The following NCOA7 variants were observed in gnomAD, a reference collection of about 807,000 sequenced individuals.
NCOA7 encodes the protein 140 kDa estrogen receptor-associated protein.
Under a neutral mutation model 104.3 loss-of-function variants are expected in NCOA7, and 45 were observed. That is an observed-to-expected ratio of 0.43 (90% CI 0.34 to 0.55). NCOA7 has a LOEUF of 0.55. Among genes scored for constraint, NCOA7 ranks in the 20% least tolerant of loss-of-function variants. The pLI, the probability that NCOA7 is intolerant of heterozygous loss-of-function variation, is 0.02. For synonymous variants in NCOA7, 398 were observed against 402.3 expected, an observed-to-expected ratio of 0.99 and a Z score of 0.13; for missense variants, 1,041 against 1,119.7, an observed-to-expected ratio of 0.93 and a Z score of 1.00.
intron 8 of NCOA7, among the ~76,000 whole-genome samples, chr6:125,886,911 C>T (rs932769331): frequency 6.6e-6 from 1 of 152,242 alleles, no homozygotes; most frequent in South Asian, 2.1e-4. Context: ...CGCGTGCACA[C>T]ACGTGCAGGA....
At chr6:125,821,931 A>G (rs1459659890) in intron 2 of NCOA7, among the ~76,000 whole-genome samples, 1 of 152,168 alleles carries the variant, frequency 6.6e-6, no homozygotes, top group African/African-American at 2.4e-5. Flanking sequence ...TGGGTGGTTG[A>G]TCTGCAGCAC....
At chr6:125,874,304 G>A (rs992225936) in intron 3 of NCOA7, among the ~76,000 whole-genome samples, 8 of 152,218 alleles carry the variant, frequency 5.3e-5, no homozygotes, top group African/African-American at 1.9e-4. Flanking sequence ...CAGCCTGGGT[G>A]ACAGAGTGAG....
rs112847937 is a variant in NCOA7, at chr6:125,835,097, T to C, written c.50+19693T>C. 4.0e-3 allele frequency among the ~76,000 whole-genome samples: 606 copies of C among 152,356 alleles called. 5 individuals are homozygous for C. The highest frequency in any genetic ancestry group is 0.014 in the African/African-American group (589 of 41,584). ...TAAAAGTTCTTTTCTTTTCTCAGGC[T>C]AAAAGAGGTAGAACACTTATTCCAG... On this transcript the variant is annotated intron_variant, in intron 2 of 15. Transcript: ENST00000392477.
intron 13 of NCOA7, among the ~76,000 whole-genome samples, chr6:125,923,114 C>A (rs1433139125): frequency 6.6e-6 from 1 of 152,092 alleles, no homozygotes; most frequent in East Asian, 1.9e-4. Flanking sequence ...TTTCTATCAC[C>A]ATGAAGTGGA....
intron 1 of NCOA7, among the ~76,000 whole-genome samples, chr6:125,785,863 A>G (rs1241770153): frequency 2.0e-5 from 3 of 152,222 alleles, no homozygotes; most frequent in Admixed American, 6.5e-5. Context: ...TATGCGGACA[A>G]CAATCCATGT....
chr6:125,900,113 A>G, intron 10 of NCOA7: 1 of 498,884 alleles, frequency 2.0e-6, no homozygotes, highest in South Asian at 1.5e-5. Context: ...AGGGTTAATT[A>G]TAGAGCTCCT....
chr6:125,857,934 G>A (rs1262470476), intron 3 of NCOA7, among the ~76,000 whole-genome samples: 2 of 151,568 alleles, frequency 1.3e-5, no homozygotes, highest in Non-Finnish European at 2.9e-5. Flanking sequence ...GCTGTAATAG[G>A]ATAACCTTTT....
intron 10 of NCOA7, among the ~76,000 whole-genome samples, chr6:125,892,058 T>G (rs1784659287): frequency 6.6e-6 from 1 of 152,306 alleles, no homozygotes; most frequent in East Asian, 1.9e-4. Flanking sequence ...CTGAATAATA[T>G]CTAAGAGATT....
chr6:125,885,368 G>GA (rs1267410551), intron 8 of NCOA7, 25 bp downstream of exon 8: 3 of 1,601,916 alleles, frequency 1.9e-6, no homozygotes, highest in Non-Finnish European at 2.6e-6. Context: ...TGTTTACCAG[G>GA]AAAAAAGGGG....
At chr6:125,919,504 T>G in intron 11 of NCOA7, 1 of 1,424,448 alleles carries the variant, frequency 7.0e-7, no homozygotes, top group East Asian at 2.3e-5. Flanking sequence ...GAGTTTCTTT[T>G]GAAAGTCGTT....
chr6:125,831,100 G>A (rs2128591965), intron 2 of NCOA7, among the ~76,000 whole-genome samples: 1 of 152,270 alleles, frequency 6.6e-6, no homozygotes, highest in South Asian at 2.1e-4. Flanking sequence ...AGTACTGTCA[G>A]TACATGAAAT....
chr6:125,855,010 T>C lies in NCOA7; in HGVS notation c.51-10T>C. 6.3e-7 allele frequency: 1 copy of C among 1,575,282 alleles called. No homozygotes were observed. On this transcript the variant is annotated splice_polypyrimidine_tract_variant and intron_variant, in intron 2 of 15. Transcript: ENST00000392477. ...TCCAATGTTTTTTCTTTTTTTTCCC[T>C]CTTTCCTAGACTGAAAAAGAAAAAA...
intron 1 of NCOA7, among the ~76,000 whole-genome samples, chr6:125,803,024 G>C (rs1268079): frequency 0.055 from 8,407 of 152,196 alleles, 756 homozygotes; most frequent in African/African-American, 0.19. Flanking sequence ...GCCTCTCTCT[G>C]TTGTTACCAA....
At chr6:125,831,757 A>G (rs928885782) in intron 2 of NCOA7, among the ~76,000 whole-genome samples, 1 of 152,140 alleles carries the variant, frequency 6.6e-6, no homozygotes, top group South Asian at 2.1e-4. Context: ...CAGCCTCTCA[A>G]CATCCCTATA....
chr6:125,928,085 CT>C (rs1444013022), intron 14 of NCOA7, 88 bp from the exon 15 acceptor site: 1 of 1,260,232 alleles, frequency 7.9e-7, no homozygotes, highest in Non-Finnish European at 1.1e-6. Flanking sequence ...AGGTGGTTCC[CT>C]TTTACATATA....
intron 1 of NCOA7, among the ~76,000 whole-genome samples, chr6:125,798,545 G>A (rs1051963043): frequency 1.3e-5 from 2 of 152,118 alleles, no homozygotes; most frequent in African/African-American, 4.8e-5. Flanking sequence ...TTAAGTGATA[G>A]TAAATGTATA....
At chr6:125,822,231 A>G (rs895444227) in intron 2 of NCOA7, among the ~76,000 whole-genome samples, 11 of 152,250 alleles carry the variant, frequency 7.2e-5, no homozygotes, top group African/African-American at 2.4e-4. Flanking sequence ...GTCATAGCAC[A>G]GTTTTAATTG....
rs1023988816 is a variant in NCOA7 at position 125,930,017 on chromosome 6, C to G, written c.*1246C>G. 2.0e-5 allele frequency: 3 copies of G among 152,036 alleles called. No homozygotes were observed. The highest frequency in any genetic ancestry group is 4.8e-5 in the African/African-American group (2 of 41,394). The allele number at this position is 152,036 out of a possible 1,614,324, so 9.4% of individuals were successfully genotyped here. Reference sequence around the variant, plus strand: ...TCAAAATTGGAATAGAAAGGAAAACCTATTTTTAAGATATCAACCTATTTT... The same window carrying G: ...TCAAAATTGGAATAGAAAGGAAAACGTATTTTTAAGATATCAACCTATTTT... On this transcript the variant is annotated 3_prime_UTR_variant, in exon 16 of 16. Transcript: ENST00000392477.
Position 125,929,221 on chromosome 6 carries a change from T to C in NCOA7, c.*450T>C, listed in dbSNP as rs1007712380. The C allele has an allele frequency of 2.0e-5, 3 of 151,834 alleles. No homozygotes were observed. Among genetic ancestry groups the C allele is most frequent in the African/African-American group, 7.3e-5 (3 of 40,986 alleles). The allele number at this position is 151,834 out of a possible 1,614,324, so 9.4% of individuals were successfully genotyped here. A position where few individuals can be genotyped will look rare whatever the true frequency, so the allele number is the denominator to read the frequency against. On this transcript the variant is annotated 3_prime_UTR_variant, in exon 16 of 16. Transcript: ENST00000392477. ...TAGAAAAATCGAAAGTGCACAGCAC[T>C]TAAAGGGAATATATGAGGTTTTTTT...
Sources: gnomAD v4.1 joint callset for allele counts (sites outside exome capture counted in the v4.1 genomes callset) on GRCh38, gnomAD v4.1.1 for gene constraint, MANE v1.5 for transcripts, NCBI Gene and HGNC (gene_info 2026-07-23, HGNC 2026-07-21) for gene names.